SLC22A23: variants seen among roughly 807,000 people sequenced by gnomAD.
The protein encoded by SLC22A23 is solute carrier family 22 member 23.
Under a neutral mutation model 61.0 loss-of-function variants are expected in SLC22A23, and 26 were observed. The observed-to-expected ratio is 0.43, with a 90% CI of 0.31 to 0.59. The LOEUF (loss-of-function observed/expected upper bound fraction) is 0.59. SLC22A23 is among the 20% of genes least tolerant of loss of function. The pLI, the probability that SLC22A23 is intolerant of heterozygous loss-of-function variation, is 0.11. For missense variants in SLC22A23, 796 were observed against 934.7 expected, an observed-to-expected ratio of 0.85 and a Z score of 1.94; for synonymous variants, 430 against 413.9, an observed-to-expected ratio of 1.04 and a Z score of -0.47.
chr6:3,456,285 C>G lies in SLC22A23; in HGVS notation c.275G>C (p.Gly92Ala), dbSNP rs762648084. The G allele has an allele frequency of 4.5e-6, 7 of 1,551,272 alleles. No homozygotes were observed. The highest frequency in any genetic ancestry group is 6.1e-6 in the Non-Finnish European group (7 of 1,146,834). Residue 92 changes from glycine to alanine, a missense_variant, in exon 1 of 10, where the codon GGC (glycine) becomes GCC (alanine). Gly to Ala is a moderately conservative substitution (Grantham distance 60). Coordinates refer to ENST00000406686, the MANE Select transcript of SLC22A23 (RefSeq NM_015482.2). The surrounding 1 kb of genome is among the most constrained non-coding windows in gnomAD (Gnocchi z 7.1). ...GSVLPFLGGL[G>A]GGYQKTLVLL... ...CACGAGGGTCTTCTGATAGCCCCCGCCCAGGCCCCCGAGGAAGGGCAGCAC... is the reference window on the plus strand; with the variant it reads ...CACGAGGGTCTTCTGATAGCCCCCGGCCAGGCCCCCGAGGAAGGGCAGCAC...
chr6:3,338,466 A>G (rs1763978666), intron 3 of SLC22A23, among the ~76,000 whole-genome samples: 1 of 152,218 alleles, frequency 6.6e-6, no homozygotes, highest in South Asian at 2.1e-4. Context: ...AGCTGGGACT[A>G]CAGGCGCATG....
In SLC22A23 at chr6:3,298,216, A is replaced by G. The variant is rs1319444471; in HGVS notation, c.1085T>C (p.Ile362Thr). The change falls in exon 5 of 10, where the codon ATA (isoleucine) becomes ACA (threonine). Residue 362 changes from isoleucine (I) to threonine (T), a missense_variant and splice_region_variant. Ile to Thr is a moderately conservative substitution (Grantham distance 89). Transcript: ENST00000406686. ...TAGCCACCGGAGGGACTCGGGGAAT[A>G]TCCTTTAAAGACACAAAGGGGATCA... ...PFLLMLLYWS[I>T]FPESLRWLMA... The G allele has an allele frequency of 6.3e-7, 1 of 1,596,158 alleles. No individual in the cohort carries two copies. The highest frequency in any genetic ancestry group is 1.4e-5 in the African/African-American group (1 of 73,860).
intron 3 of SLC22A23, among the ~76,000 whole-genome samples, chr6:3,353,186 T>A (rs1335762641): frequency 1.3e-5 from 2 of 152,196 alleles, no homozygotes; most frequent in Non-Finnish European, 2.9e-5. Flanking sequence ...TCTTGGAGAT[T>A]TTGAAGGCAA....
chr6:3,413,918 C>T (rs1769465421), intron 2 of SLC22A23, among the ~76,000 whole-genome samples: 1 of 152,214 alleles, frequency 6.6e-6, no homozygotes, highest in Non-Finnish European at 1.5e-5. Flanking sequence ...GGGGCACCCC[C>T]TCAATCTTGC....
intron 8 of SLC22A23, 102 bp from the exon 9 acceptor site, chr6:3,284,077 G>C: frequency 7.2e-6 from 9 of 1,257,114 alleles, no homozygotes; most frequent in Non-Finnish European, 9.8e-6. Flanking sequence ...CCAGTGTCCA[G>C]CTTGCGGCAT....
intron 1 of SLC22A23, among the ~76,000 whole-genome samples, chr6:3,437,016 C>T (rs995618668): frequency 3.9e-5 from 6 of 152,148 alleles, no homozygotes; most frequent in Non-Finnish European, 8.8e-5. Flanking sequence ...TGCCTGGTAA[C>T]CTTCTGCTGT....
At chr6:3,320,597 C>G (rs1330846534) in intron 4 of SLC22A23, among the ~76,000 whole-genome samples, 1 of 152,168 alleles carries the variant, frequency 6.6e-6, no homozygotes, top group South Asian at 2.1e-4. Flanking sequence ...TACAGCTCAC[C>G]CCCTCTCCAC....
intron 4 of SLC22A23, among the ~76,000 whole-genome samples, chr6:3,305,137 A>G (rs576754180): frequency 6.6e-6 from 1 of 152,316 alleles, no homozygotes; most frequent in African/African-American, 2.4e-5. Context: ...CCCGTGTGTG[A>G]TGCTTGCAAG....
intron 1 of SLC22A23, among the ~76,000 whole-genome samples, chr6:3,425,532 C>G (rs1770436893): frequency 6.6e-6 from 1 of 152,138 alleles, no homozygotes; most frequent in Non-Finnish European, 1.5e-5. Flanking sequence ...GATCCGCCCA[C>G]CTCGGCCTCC....
intron 3 of SLC22A23, among the ~76,000 whole-genome samples, chr6:3,396,581 AG>A (rs1225347231): frequency 6.6e-6 from 1 of 152,118 alleles, no homozygotes; most frequent in Non-Finnish European, 1.5e-5. Flanking sequence ...ACAAACCCCA[AG>A]ACCCTAGCAG....
Position 3,328,888 on chromosome 6 carries a change from C to T in SLC22A23, c.914-4886G>A, listed in dbSNP as rs1159065692. Among the ~76,000 whole-genome samples the T allele has an allele frequency of 6.9e-6, 1 of 145,722 alleles. No homozygotes were observed. The highest frequency in any genetic ancestry group is 1.5e-5 in the Non-Finnish European group (1 of 67,226). ...CCTCCCGTGAAGCCCATCTCCGAAGCTGCACCCCCTCCCTCCCCTTCTTAC... is the reference window on the plus strand; with the variant it reads ...CCTCCCGTGAAGCCCATCTCCGAAGTTGCACCCCCTCCCTCCCCTTCTTAC... On this transcript the variant is annotated intron_variant, in intron 3 of 9. Transcript: ENST00000406686. The surrounding 1 kb of genome is among the most constrained non-coding windows in gnomAD (Gnocchi z 5.0).
At position 3,456,616 on chromosome 6, in the gene SLC22A23, C is replaced by A. The variant is rs1436161458; in HGVS notation, c.-57G>T. 5 of 965,538 alleles carry A rather than the reference C, an allele frequency of 5.2e-6. No individual in the cohort carries two copies. The highest frequency in any genetic ancestry group is 1.8e-5 in the African/African-American group (1 of 56,340). The allele number at this position is 965,538 out of a possible 1,614,324, so 59.8% of individuals were successfully genotyped here. A position where few individuals can be genotyped will look rare whatever the true frequency, so the allele number is the denominator to read the frequency against. ...TAGAGCGCGGCGGAGGCTCCGCGGGCGCCCCGGGCACAGCGCGCCGGGCCA... is the reference window on the plus strand; with the variant it reads ...TAGAGCGCGGCGGAGGCTCCGCGGGAGCCCCGGGCACAGCGCGCCGGGCCA... On this transcript the variant is annotated 5_prime_UTR_variant, in exon 1 of 10. Transcript: ENST00000406686. This position sits in a 1 kb window ranked among gnomAD's most constrained non-coding sequence, Gnocchi z 7.1.
chr6:3,411,423 A>G (rs757538340), intron 2 of SLC22A23, among the ~76,000 whole-genome samples: 1 of 152,200 alleles, frequency 6.6e-6, no homozygotes, highest in Non-Finnish European at 1.5e-5. Flanking sequence ...AATGCCCAGA[A>G]AAGACAAATA....
chr6:3,302,125 G>T (rs1291937059), intron 4 of SLC22A23, among the ~76,000 whole-genome samples: 1 of 152,122 alleles, frequency 6.6e-6, no homozygotes, highest in African/African-American at 2.4e-5. Context: ...CTTGTTATTG[G>T]TCTGTTCAGC....
chr6:3,430,061 G>A (rs1366039915), intron 1 of SLC22A23, among the ~76,000 whole-genome samples: 1 of 152,010 alleles, frequency 6.6e-6, no homozygotes, highest in Non-Finnish European at 1.5e-5. Context: ...TTTCCCACAC[G>A]CACACACAAA....
At chr6:3,355,884 T>G (rs1279400244) in intron 3 of SLC22A23, among the ~76,000 whole-genome samples, 4 of 148,300 alleles carry the variant, frequency 2.7e-5, no homozygotes, top group Admixed American at 1.3e-4. Context: ...CGCTGAGGTA[T>G]TAAAAAAAGA....
intron 2 of SLC22A23, among the ~76,000 whole-genome samples, chr6:3,412,565 T>G (rs1769343495): frequency 6.6e-6 from 1 of 152,200 alleles, no homozygotes. Context: ...CCACAGTCCT[T>G]GTCCGTAATG....
chr6:3,450,601 G>A (rs191253970), intron 1 of SLC22A23, among the ~76,000 whole-genome samples: 9 of 152,314 alleles, frequency 5.9e-5, no homozygotes, highest in African/African-American at 1.4e-4. Context: ...CACTGTGCCC[G>A]GCCGTCAGTT....
intron 3 of SLC22A23, among the ~76,000 whole-genome samples, chr6:3,406,866 GA>G (rs1192051148): frequency 4.8e-5 from 7 of 147,236 alleles, no homozygotes; most frequent in East Asian, 2.0e-4. Flanking sequence ...CTCCAAAGCA[GA>G]AAAAAAAAAC....
Sources: allele counts gnomAD v4.1 joint callset (sites outside exome capture counted in the v4.1 genomes callset), GRCh38; gene constraint gnomAD v4.1.1; non-coding constraint Gnocchi (gnomAD v3.1); transcripts MANE v1.5; gene names NCBI Gene and HGNC (gene_info 2026-07-23, HGNC 2026-07-21).